Variants in ENTPD1 observed in about 807,000 individuals in gnomAD.
ENTPD1 encodes ectonucleoside triphosphate diphosphohydrolase 1, also known as ATP diphosphohydrolase.
A neutral mutation model predicts 57.0 loss-of-function variants in ENTPD1; 33 were observed. The observed-to-expected ratio is 0.58, with a 90% CI of 0.44 to 0.77. The LOEUF is 0.77. Among genes scored for constraint, ENTPD1 ranks in the 30% least tolerant of loss-of-function variants. The pLI is 0.00. For missense variants in ENTPD1, 501 were observed against 603.4 expected (o/e 0.83, Z 1.78); for synonymous variants, 202 against 218.8 (o/e 0.92, Z 0.68).
At chr10:95,830,975 C>A (rs1014496948) in intron 2 of ENTPD1, among the ~76,000 whole-genome samples, 1 of 152,072 alleles carries the variant, frequency 6.6e-6, no homozygotes, top group African/African-American at 2.4e-5. Flanking sequence ...GAGGAGAGAC[C>A]AGTTAGCATG....
intron 8 of ENTPD1, among the ~76,000 whole-genome samples, chr10:95,862,816 C>T (rs969794996): frequency 3.3e-5 from 5 of 152,208 alleles, no homozygotes; most frequent in Non-Finnish European, 5.9e-5. Flanking sequence ...TCAGTGTACT[C>T]TGGATCCTCA....
chr10:95,731,781 C>CTTTTTTTT (rs34841311), intron 1 of ENTPD1, among the ~76,000 whole-genome samples: 14,874 of 78,724 alleles, frequency 0.19, 3,017 homozygotes, highest in Non-Finnish European at 0.25. Flanking sequence ...AGTGGACATC[C>CTTTTTTTT]TTTTTTTTTT....
chr10:95,745,175 C>CT (rs910936053), intron 1 of ENTPD1, among the ~76,000 whole-genome samples: 3 of 152,050 alleles, frequency 2.0e-5, no homozygotes, highest in African/African-American at 7.2e-5. Context: ...TAACATCTTA[C>CT]TTTTTTTAAA....
At chr10:95,722,728 ATCG>A (rs1566089384) in intron 1 of ENTPD1, among the ~76,000 whole-genome samples, 1 of 152,202 alleles carries the variant, frequency 6.6e-6, no homozygotes, top group African/African-American at 2.4e-5. Context: ...GGAAACCTCT[ATCG>A]TCCTGTCCTG....
intron 1 of ENTPD1, among the ~76,000 whole-genome samples, chr10:95,726,899 A>C (rs1346307720): frequency 1.3e-5 from 2 of 152,060 alleles, no homozygotes; most frequent in African/African-American, 4.8e-5. Context: ...ATCCTTTTGA[A>C]CTTTGTGCTC....
chr10:95,775,460 G>C (rs1178795962), intron 1 of ENTPD1, among the ~76,000 whole-genome samples: 1 of 152,192 alleles, frequency 6.6e-6, no homozygotes, highest in African/African-American at 2.4e-5. Context: ...GATATTGGCT[G>C]TGGGTTTGTC....
At chr10:95,702,885 A>C in the ENTPD1 span, among the ~76,000 whole-genome samples, 1 of 152,132 alleles carries the variant, frequency 6.6e-6, no homozygotes, top group Non-Finnish European at 1.5e-5. Flanking sequence ...GGGTTCACAC[A>C]ATTCTCTGCC....
chr10:95,737,727 C>T (rs1277577472), intron 1 of ENTPD1, among the ~76,000 whole-genome samples: 1 of 152,192 alleles, frequency 6.6e-6, no homozygotes, highest in Admixed American at 6.5e-5. Context: ...ATTATTTACA[C>T]AGCCCTAAAA....
intron 6 of ENTPD1, among the ~76,000 whole-genome samples, chr10:95,847,233 A>G (rs1395646697): frequency 6.6e-6 from 1 of 152,142 alleles, no homozygotes. Flanking sequence ...TTGACTAGCC[A>G]AATACATTTA....
At position 95,870,349 on chromosome 10, in the gene ENTPD1, A is replaced by G; in HGVS notation, c.*3966A>G. 5 of 941,748 alleles carry G rather than the reference A, an allele frequency of 5.3e-6. No homozygotes were observed. The highest frequency in any genetic ancestry group is 6.3e-6 in the Non-Finnish European group (5 of 790,044). 58.3% of individuals were successfully genotyped at this position (941,748 alleles called of 1,614,324 possible). A position where few individuals can be genotyped will look rare whatever the true frequency, so the allele number is the denominator to read the frequency against. ...GCCCAGGCTGGAATGCAGTGGCATG[A>G]TCATGGCTCACTGCAGCCTCGACCT... is the stretch of plus-strand genomic sequence containing the variant. On this transcript the variant is annotated 3_prime_UTR_variant, in exon 10 of 10. Transcript: ENST00000371205.
At chr10:95,798,382 G>A (rs1206327148) in intron 1 of ENTPD1, among the ~76,000 whole-genome samples, 1 of 152,182 alleles carries the variant, frequency 6.6e-6, no homozygotes, top group Non-Finnish European at 1.5e-5. Flanking sequence ...AAGAACTAGT[G>A]TGGCATGGAT....
intron 1 of ENTPD1, among the ~76,000 whole-genome samples, chr10:95,782,585 T>A (rs936287376): frequency 6.6e-6 from 1 of 152,086 alleles, no homozygotes; most frequent in African/African-American, 2.4e-5. Context: ...AACAACCCAG[T>A]ATTGGGCAAA....
Position 95,842,421 on chromosome 10 carries a change from G to C in ENTPD1, c.340G>C (p.Glu114Gln), listed in dbSNP as rs2098424507. ...GACTGATTGCATGGAAAGAGCTAGG[G>C]AAGTGATTCCAAGGTCCCAGCACCA... Reference protein sequence around the residue: ...YLTDCMERAREVIPRSQHQET... With the variant: ...YLTDCMERARQVIPRSQHQET... Residue 114 changes from glutamate (E) to glutamine (Q), a missense_variant, in exon 4 of 10, where the codon GAA becomes CAA. Transcript: ENST00000371205. The C allele has an allele frequency of 6.2e-7, 1 of 1,614,094 alleles. No individual in the cohort carries two copies. The highest frequency in any genetic ancestry group is 8.5e-7 in the Non-Finnish European group (1 of 1,180,008).
chr10:95,698,467 C>T, the ENTPD1 span, among the ~76,000 whole-genome samples: 1 of 152,146 alleles, frequency 6.6e-6, no homozygotes, highest in Admixed American at 6.5e-5. Context: ...AGGGTGCAGC[C>T]CAGTGACTGT....
At chr10:95,784,873 C>T (rs571381340) in intron 1 of ENTPD1, among the ~76,000 whole-genome samples, 3 of 152,190 alleles carry the variant, frequency 2.0e-5, no homozygotes, top group South Asian at 4.1e-4. Flanking sequence ...GCAGGAGTGG[C>T]GTTGCAGGGA....
At position 95,874,734 on chromosome 10, in the gene ENTPD1, C is replaced by T. The variant is rs2098484073; in HGVS notation, c.*8351C>T. On this transcript the variant is annotated 3_prime_UTR_variant, in exon 10 of 10. Transcript: ENST00000371205. ...CTCTGCCCCTGCAGCAAACTTTTGC[C>T]TGGACATCCAGGTGTTTCCATATAT... Among the ~76,000 whole-genome samples, 2 of 152,240 alleles carry T rather than the reference C, an allele frequency of 1.3e-5. No homozygotes were observed. Among genetic ancestry groups the T allele is most frequent in the African/African-American group, 4.8e-5 (2 of 41,446 alleles).
chr10:95,763,505 A>T (rs1248142675), intron 1 of ENTPD1, among the ~76,000 whole-genome samples: 1 of 152,224 alleles, frequency 6.6e-6, no homozygotes. Context: ...CTTGTGAAGA[A>T]GCTGTATGTT....
intron 1 of ENTPD1, among the ~76,000 whole-genome samples, chr10:95,800,268 C>T (rs773187266): frequency 1.5e-4 from 23 of 151,972 alleles, no homozygotes; most frequent in Non-Finnish European, 2.5e-4. Context: ...ACTGTGATGA[C>T]GACCCTGAGC....
chr10:95,765,365 T>C (rs2098084624), intron 1 of ENTPD1, among the ~76,000 whole-genome samples: 1 of 152,208 alleles, frequency 6.6e-6, no homozygotes, highest in African/African-American at 2.4e-5. Flanking sequence ...AGTTTTTGTA[T>C]ATGTTATGAG....
Sources: gnomAD v4.1 joint callset for allele counts (sites outside exome capture counted in the v4.1 genomes callset) on GRCh38, gnomAD v4.1.1 for gene constraint, MANE v1.5 for transcripts, NCBI Gene and HGNC (gene_info 2026-07-23, HGNC 2026-07-21) for gene names.